The following PLB1 variants were observed in gnomAD, a reference collection of about 807,000 sequenced individuals.
The protein encoded by PLB1 is phospholipase B1, membrane-associated.
Under a neutral mutation model 227.4 loss-of-function variants are expected in PLB1, and 242 were observed. The ratio of observed to expected loss-of-function variants is 1.06; its 90% CI spans 0.96 to 1.18. PLB1 has a LOEUF of 1.18. Ranked by LOEUF, PLB1 falls within the 50% of genes most tolerant of loss-of-function variation. The pLI, the probability that PLB1 is intolerant of heterozygous loss-of-function variation, is 0.00. For synonymous variants in PLB1, 757 were observed against 682.2 expected, an observed-to-expected ratio of 1.11 and a Z score of -1.71; for missense variants, 1,858 against 1,816.3, an observed-to-expected ratio of 1.02 and a Z score of -0.42.
intron 1 of PLB1, among the ~76,000 whole-genome samples, chr2:28,509,327 C>A (rs1476141924): frequency 1.3e-5 from 2 of 152,154 alleles, no homozygotes; most frequent in Non-Finnish European, 2.9e-5. Context: ...AGGCTCTTAA[C>A]CTTGGAAGCA....
At position 28,515,106 on chromosome 2, in the gene PLB1, GT is replaced by G. The variant is rs542117068; in HGVS notation, c.56-1701del. On this transcript the variant is annotated intron_variant, in intron 1 of 57. Transcript: ENST00000327757. ...TTAGTTCACATAAGTGCTTAGAACA[GT>G]GCCTGGCACATAGAAGCTGTATTTG... is the stretch of plus-strand genomic sequence containing the variant. Among the ~76,000 whole-genome samples the G allele has an allele frequency of 1.6e-4, 24 of 152,356 alleles. 1 individual carries two copies. The South Asian group carries it at 4.6e-3, about 29-fold the overall frequency.
chr2:28,559,782 C>T (rs1235272419), intron 17 of PLB1, among the ~76,000 whole-genome samples: 1 of 119,188 alleles, frequency 8.4e-6, no homozygotes, highest in Non-Finnish European at 1.6e-5. Flanking sequence ...GACGGAGTCT[C>T]GCTCTATCTC....
chr2:28,531,261 T>A (rs921315735), intron 8 of PLB1, among the ~76,000 whole-genome samples: 1 of 152,240 alleles, frequency 6.6e-6, no homozygotes, highest in African/African-American at 2.4e-5. Context: ...ATATATTTTA[T>A]AAAACAGGGA....
rs781268889 is a variant in PLB1 at position 28,604,081 on chromosome 2, TC to T, written c.2856+38del. The T allele has an allele frequency of 9.7e-6, 15 of 1,549,868 alleles. 1 individual carries two copies. In the South Asian group the frequency reaches 1.7e-4, roughly 17 times the overall value. ...AAGAAGGGCACCATGCTGTGTCCTC[TC>T]CCCTACGTTCACTCTAACACACAGC... On this transcript the variant is annotated intron_variant, in intron 40 of 57. Coordinates refer to ENST00000327757, the MANE Select transcript of PLB1 (RefSeq NM_153021.5).
chr2:28,606,864 C>T (rs923352066), intron 43 of PLB1, among the ~76,000 whole-genome samples: 3 of 152,080 alleles, frequency 2.0e-5, no homozygotes, highest in Admixed American at 2.0e-4. Flanking sequence ...ATCAGGATGC[C>T]AGGAAAATGG....
intron 11 of PLB1, among the ~76,000 whole-genome samples, chr2:28,539,754 A>G (rs1018935748): frequency 1.3e-5 from 2 of 151,934 alleles, no homozygotes; most frequent in Non-Finnish European, 1.5e-5. Context: ...AGGATGCAAG[A>G]CAGAGAAGGT....
At chr2:28,605,170 C>G (rs1302004268) in intron 41 of PLB1, among the ~76,000 whole-genome samples, 1 of 152,218 alleles carries the variant, frequency 6.6e-6, no homozygotes, top group Non-Finnish European at 1.5e-5. Flanking sequence ...CACGTGGTCT[C>G]TCTCGTGTGC....
At chr2:28,567,217 A>AAAAAGG (rs1677109635) in intron 20 of PLB1, among the ~76,000 whole-genome samples, 1 of 152,172 alleles carries the variant, frequency 6.6e-6, no homozygotes, top group South Asian at 2.1e-4. Flanking sequence ...AAGAAAAAAG[A>AAAAAGG]AAAAGAAACC....
Position 28,565,207 on chromosome 2 carries a change from C to G in PLB1, c.1207-73C>G, listed in dbSNP as rs772354447. The G allele has an allele frequency of 2.2e-6, 3 of 1,355,632 alleles. No homozygotes were observed. In the African/African-American group the frequency reaches 4.3e-5, roughly 19 times the overall value. The allele number at this position is 1,355,632 out of a possible 1,614,324, so 84.0% of individuals were successfully genotyped here. ...GTCCTGGCCAGCATAAGAACATAGA[C>G]CTTTTGGCAGGTAGGCAGAGGTGGG... On this transcript the variant is annotated intron_variant, in intron 18 of 57. Coordinates refer to ENST00000327757, the MANE Select transcript of PLB1 (RefSeq NM_153021.5).
intron 6 of PLB1, among the ~76,000 whole-genome samples, chr2:28,526,990 A>C (rs1003770374): frequency 6.6e-6 from 1 of 152,128 alleles, no homozygotes; most frequent in African/African-American, 2.4e-5. Flanking sequence ...CTTGGAGAGA[A>C]TCAAAGGGTT....
At chr2:28,527,050 A>G (rs79663856) in intron 6 of PLB1, among the ~76,000 whole-genome samples, 5,889 of 152,270 alleles carry the variant, frequency 0.039, 156 homozygotes, top group Middle Eastern at 0.078. Flanking sequence ...AGCTGTGCCT[A>G]GGCTTGGCCC....
At chr2:28,620,229 T>C in intron 46 of PLB1, 36 bp from the exon 47 acceptor site, 1 of 1,514,602 alleles carries the variant, frequency 6.6e-7, no homozygotes, top group Non-Finnish European at 9.0e-7. Flanking sequence ...CCTCAGCCTA[T>C]ACCCCAGCCC....
chr2:28,537,142 C>T (rs761950972), intron 9 of PLB1, among the ~76,000 whole-genome samples: 1 of 152,078 alleles, frequency 6.6e-6, no homozygotes, highest in Non-Finnish European at 1.5e-5. Flanking sequence ...AAGCCAGCCT[C>T]ACACCAAAGC....
At chr2:28,633,255 C>G (rs541821795) in intron 56 of PLB1, 2 of 536,850 alleles carry the variant, frequency 3.7e-6, no homozygotes, top group South Asian at 2.4e-5. Context: ...CACACTCACA[C>G]AACTTTATTC....
intron 17 of PLB1, among the ~76,000 whole-genome samples, chr2:28,556,959 G>A (rs1675235365): frequency 6.6e-6 from 1 of 152,012 alleles, no homozygotes; most frequent in Admixed American, 6.5e-5. Flanking sequence ...GCACTGGGTG[G>A]TCATTCACCA....
At chr2:28,520,818 G>GA (rs1369944015) in intron 4 of PLB1, among the ~76,000 whole-genome samples, 1 of 151,870 alleles carries the variant, frequency 6.6e-6, no homozygotes, top group East Asian at 1.9e-4. Flanking sequence ...ACTAAAAATA[G>GA]AAAAAAATTA....
intron 57 of PLB1, among the ~76,000 whole-genome samples, chr2:28,642,598 T>C (rs56016743): frequency 0.26 from 38,908 of 152,010 alleles, 5,133 homozygotes; most frequent in East Asian, 0.31. Flanking sequence ...TCCCAATCTT[T>C]CAAAATCAGG....
intron 7 of PLB1, 48 bp from the exon 8 acceptor site, chr2:28,529,680 C>T: frequency 6.3e-7 from 1 of 1,585,118 alleles, no homozygotes. Flanking sequence ...CAGCCCTTAA[C>T]AAAATAATAT....
intron 35 of PLB1, among the ~76,000 whole-genome samples, chr2:28,600,455 A>G (rs1224060124): frequency 6.6e-6 from 1 of 152,240 alleles, no homozygotes; most frequent in Non-Finnish European, 1.5e-5. Context: ...GAAGTTTCAT[A>G]GGTCTAATTT....
Sources: gnomAD v4.1 joint callset for allele counts (sites outside exome capture counted in the v4.1 genomes callset) on GRCh38, gnomAD v4.1.1 for gene constraint, MANE v1.5 for transcripts, NCBI Gene and HGNC (gene_info 2026-07-23, HGNC 2026-07-21) for gene names.